The following BMP5 variants were observed in gnomAD, a reference collection of about 807,000 sequenced individuals.
BMP5 encodes bone morphogenetic protein 5.
BMP5 carries 23 observed loss-of-function variants against 46.6 expected under a neutral mutation model. That is an observed-to-expected ratio of 0.49 (90% CI 0.35 to 0.70). The LOEUF (loss-of-function observed/expected upper bound fraction) is 0.70, where lower values mean the gene tolerates loss of function less well. Among genes scored for constraint, BMP5 ranks in the 30% least tolerant of loss-of-function variants. BMP5 has a pLI of 0.00. For missense variants in BMP5, 545 were observed against 565.6 expected (o/e 0.96, Z 0.37); for synonymous variants, 204 against 191.9 (o/e 1.06, Z -0.52).
rs747480739 is a variant in BMP5, at chr6:55,794,304, T to C, written c.807A>G (p.Leu269=). The C allele has an allele frequency of 6.2e-7, 1 of 1,614,034 alleles. No individual in the cohort carries two copies. The highest frequency in any genetic ancestry group is 1.1e-5 in the South Asian group (1 of 91,076). Residue 269 remains leucine, a synonymous_variant, in exon 3 of 7, where the codon TTA becomes TTG. Coordinates refer to ENST00000370830, the MANE Select transcript of BMP5 (RefSeq NM_021073.4). The part of the protein sequence containing the change: ...WVINPQNNLG[L]QLCAETGDGR... Reference sequence around the variant, plus strand: ...CATCCCCTGTTTCTGCACAGAGCTGTAAGCCCAAATTATTCTGGGGATTAA... The same window carrying C: ...CATCCCCTGTTTCTGCACAGAGCTGCAAGCCCAAATTATTCTGGGGATTAA...
At chr6:55,775,945 T>C (rs1246803152) in intron 3 of BMP5, among the ~76,000 whole-genome samples, 3 of 151,448 alleles carry the variant, frequency 2.0e-5, no homozygotes, top group African/African-American at 7.3e-5. Flanking sequence ...CTGCATCAAT[T>C]TAGACAGCAT....
chr6:55,820,408 C>A (rs2127538770), intron 1 of BMP5, among the ~76,000 whole-genome samples: 1 of 150,314 alleles, frequency 6.7e-6, no homozygotes, highest in East Asian at 1.9e-4. Flanking sequence ...ATAAAATATT[C>A]TTTTTCTTAA....
At chr6:55,783,854 A>T (rs2127525101) in intron 3 of BMP5, among the ~76,000 whole-genome samples, 1 of 152,098 alleles carries the variant, frequency 6.6e-6, no homozygotes, top group Middle Eastern at 3.4e-3. Context: ...CAAAAACAGA[A>T]ATACAGATGT....
intron 1 of BMP5, among the ~76,000 whole-genome samples, chr6:55,858,113 G>T (rs1283278693): frequency 6.6e-6 from 1 of 152,118 alleles, no homozygotes; most frequent in African/African-American, 2.4e-5. Flanking sequence ...ATATATACTT[G>T]AGCGTTTTAT....
At chr6:55,855,604 A>C (rs1777374368) in intron 1 of BMP5, among the ~76,000 whole-genome samples, 1 of 152,170 alleles carries the variant, frequency 6.6e-6, no homozygotes, top group Admixed American at 6.6e-5. Flanking sequence ...TTTGTTTTCT[A>C]ACTCAGCACA....
intron 1 of BMP5, among the ~76,000 whole-genome samples, chr6:55,854,615 G>C (rs933497892): frequency 6.6e-6 from 1 of 151,896 alleles, no homozygotes; most frequent in African/African-American, 2.4e-5. Flanking sequence ...TCACATAGAG[G>C]AGCAAGGTAT....
chr6:55,775,955 T>A (rs1311630034), intron 3 of BMP5, among the ~76,000 whole-genome samples: 1 of 149,672 alleles, frequency 6.7e-6, no homozygotes, highest in Non-Finnish European at 1.5e-5. Flanking sequence ...TTAGACAGCA[T>A]AGGTATCCTC....
chr6:55,824,697 TAGAA>T (rs1562056655), intron 1 of BMP5, among the ~76,000 whole-genome samples: 4 of 150,936 alleles, frequency 2.7e-5, no homozygotes, highest in Admixed American at 6.6e-5. Context: ...CGTGTGAGAA[TAGAA>T]AGAGTGTTTA....
chr6:55,829,139 T>C (rs1325262597), intron 1 of BMP5, among the ~76,000 whole-genome samples: 2 of 151,830 alleles, frequency 1.3e-5, no homozygotes, highest in Non-Finnish European at 2.9e-5. Context: ...TCTGTTCTGT[T>C]TAGGCAAGAA....
At chr6:55,819,376 C>T (rs1776354024) in intron 2 of BMP5, among the ~76,000 whole-genome samples, 1 of 152,076 alleles carries the variant, frequency 6.6e-6, no homozygotes, top group South Asian at 2.1e-4. Context: ...TGAAGGACAA[C>T]TTTACAAAAT....
chr6:55,785,924 T>C (rs1775437366), intron 3 of BMP5, among the ~76,000 whole-genome samples: 1 of 151,752 alleles, frequency 6.6e-6, no homozygotes, highest in African/African-American at 2.4e-5. Context: ...GTATGGCACT[T>C]AAAAAGAAAA....
At chr6:55,858,968 C>T (rs922571368) in intron 1 of BMP5, among the ~76,000 whole-genome samples, 7 of 151,872 alleles carry the variant, frequency 4.6e-5, no homozygotes, top group Non-Finnish European at 8.8e-5. Flanking sequence ...GGCCTGTCGG[C>T]GAGTAGGGGG....
At chr6:55,763,775 C>T (rs2127517019) in intron 4 of BMP5, among the ~76,000 whole-genome samples, 1 of 152,210 alleles carries the variant, frequency 6.6e-6, no homozygotes, top group South Asian at 2.1e-4. Context: ...TGTTTTGTCT[C>T]TTAATAGTAA....
chr6:55,775,244 C>A, intron 3 of BMP5, among the ~76,000 whole-genome samples: 1 of 151,868 alleles, frequency 6.6e-6, no homozygotes, highest in East Asian at 1.9e-4. Flanking sequence ...TATGTCAAAT[C>A]ACTTTGGAGT....
At chr6:55,828,782 T>C (rs989401462) in intron 1 of BMP5, among the ~76,000 whole-genome samples, 2 of 151,828 alleles carry the variant, frequency 1.3e-5, no homozygotes, top group African/African-American at 2.4e-5. Flanking sequence ...ACACAGTTTG[T>C]ATAGTTTAAA....
intron 1 of BMP5, among the ~76,000 whole-genome samples, chr6:55,840,917 C>A (rs769307299): frequency 2.6e-5 from 4 of 151,968 alleles, no homozygotes; most frequent in African/African-American, 9.7e-5. Flanking sequence ...AGGCCCCAGA[C>A]GGGTACTGGT....
At chr6:55,767,818 T>C (rs1774951316) in intron 4 of BMP5, among the ~76,000 whole-genome samples, 1 of 152,018 alleles carries the variant, frequency 6.6e-6, no homozygotes, top group South Asian at 2.1e-4. Context: ...TGGAGTGACA[T>C]GATTAAATAA....
intron 2 of BMP5, among the ~76,000 whole-genome samples, chr6:55,815,894 C>T (rs1305805524): frequency 6.6e-6 from 1 of 152,032 alleles, no homozygotes. Flanking sequence ...ATACCATTCA[C>T]ATCCTTAGAA....
At chr6:55,869,822 T>A (rs1346989544) in intron 1 of BMP5, among the ~76,000 whole-genome samples, 3 of 152,130 alleles carry the variant, frequency 2.0e-5, no homozygotes, top group Admixed American at 1.3e-4. Context: ...AGGCTGCAGT[T>A]GGCACATCAT....
Sources: allele counts gnomAD v4.1 joint callset (sites outside exome capture counted in the v4.1 genomes callset), GRCh38; gene constraint gnomAD v4.1.1; transcripts MANE v1.5; gene names NCBI Gene and HGNC (gene_info 2026-07-23, HGNC 2026-07-21).